Variants in ERC1 observed in about 807,000 individuals in gnomAD.
The protein encoded by ERC1 is ELKS/RAB6-interacting/CAST family member 1, also known as RAB6 interacting protein 2.
Under a neutral mutation model 132.0 loss-of-function variants are expected in ERC1, and 56 were observed. That is an observed-to-expected ratio of 0.42 (90% CI 0.34 to 0.53). The LOEUF is 0.53. Among genes scored for constraint, ERC1 ranks in the 20% least tolerant of loss-of-function variants. The pLI is 0.03. For synonymous variants in ERC1, 478 were observed against 476.1 expected (o/e 1.00, Z -0.05); for missense variants, 1,202 against 1,349.9 (o/e 0.89, Z 1.72).
chr12:1,123,716 C>T (rs1168819037), intron 7 of ERC1, among the ~76,000 whole-genome samples: 1 of 152,182 alleles, frequency 6.6e-6, no homozygotes. Flanking sequence ...TAAAGCGGGC[C>T]GGGCGCGGCA....
At chr12:1,239,659 A>G (rs1324351464) in intron 13 of ERC1, among the ~76,000 whole-genome samples, 3 of 152,194 alleles carry the variant, frequency 2.0e-5, no homozygotes, top group Non-Finnish European at 4.4e-5. Context: ...TCAGGGTTGC[A>G]GTGAGCTGTG....
In ERC1 at chr12:1,189,990, A is replaced by AT; in HGVS notation, c.2289_2290insT (p.Ile764TyrfsTer8). On this transcript the variant is annotated frameshift_variant, in exon 12 of 19. Transcript: ENST00000360905. LOFTEE classifies it high-confidence loss of function. ...AGGCAGAAGTTGATCGACTCTTAGA[A>AT]ATCTTGAAGGAGGTGGAAAATGAGA... 6.2e-7 allele frequency: 1 copy of AT among 1,614,138 alleles called. No homozygotes were observed. Among genetic ancestry groups the AT allele is most frequent in the Non-Finnish European group, 8.5e-7 (1 of 1,179,994 alleles).
chr12:1,148,013 T>C (rs985527085), intron 8 of ERC1, among the ~76,000 whole-genome samples: 2 of 152,206 alleles, frequency 1.3e-5, no homozygotes, highest in African/African-American at 4.8e-5. Context: ...AAAGATTGCG[T>C]GGGTCTTCAG....
intron 12 of ERC1, among the ~76,000 whole-genome samples, chr12:1,223,229 C>T (rs1173373850): frequency 6.6e-6 from 1 of 152,132 alleles, no homozygotes; most frequent in Non-Finnish European, 1.5e-5. Context: ...AAGATAGATT[C>T]AGTTAAAGTG....
chr12:1,164,948 T>C (rs960448677), intron 8 of ERC1, among the ~76,000 whole-genome samples: 4 of 152,218 alleles, frequency 2.6e-5, no homozygotes, highest in African/African-American at 9.6e-5. Context: ...GCTCAGTGTT[T>C]TAATCTGTTA....
At chr12:1,100,195 G>A (rs1285252936) in intron 3 of ERC1, among the ~76,000 whole-genome samples, 1 of 152,052 alleles carries the variant, frequency 6.6e-6, no homozygotes, top group East Asian at 1.9e-4. Flanking sequence ...GAAGGAGAGA[G>A]CCTGTCAAAG....
chr12:1,055,273 G>A (rs973393331), intron 2 of ERC1, among the ~76,000 whole-genome samples: 10 of 151,932 alleles, frequency 6.6e-5, no homozygotes, highest in Admixed American at 5.2e-4. Context: ...TCTGCTTCCC[G>A]GCTTCAAGCA....
chr12:1,356,058 G>T (rs1209212223), intron 15 of ERC1, among the ~76,000 whole-genome samples: 1 of 152,032 alleles, frequency 6.6e-6, no homozygotes, highest in Non-Finnish European at 1.5e-5. Flanking sequence ...CAAAAAATTA[G>T]CCAGGCCTGG....
chr12:1,385,591 T>C (rs2089250091), intron 16 of ERC1, among the ~76,000 whole-genome samples: 1 of 152,180 alleles, frequency 6.6e-6, no homozygotes, highest in African/African-American at 2.4e-5. Flanking sequence ...GGCCCCTATC[T>C]ATCTTATTAT....
chr12:1,480,521 G>T (rs974719284), intron 18 of ERC1, among the ~76,000 whole-genome samples: 5 of 152,144 alleles, frequency 3.3e-5, no homozygotes, highest in African/African-American at 1.2e-4. Flanking sequence ...AATCTCATTG[G>T]ATTACTCCTC....
intron 7 of ERC1, among the ~76,000 whole-genome samples, chr12:1,121,783 A>C (rs11611542): frequency 0.059 from 301 of 5,110 alleles, 75 homozygotes; most frequent in African/African-American, 0.091. Flanking sequence ...ATCTCTATCT[A>C]TCTCTATCTC....
chr12:1,058,365 A>G (rs184337432), intron 2 of ERC1, among the ~76,000 whole-genome samples: 193 of 152,182 alleles, frequency 1.3e-3, no homozygotes, highest in Non-Finnish European at 2.1e-3. Context: ...TGAGTTGACT[A>G]TTGCGTTTGG....
intron 15 of ERC1, among the ~76,000 whole-genome samples, chr12:1,360,112 A>G (rs1278259565): frequency 4.6e-5 from 7 of 152,230 alleles, no homozygotes; most frequent in Admixed American, 2.0e-4. Flanking sequence ...TGTTTGTTTA[A>G]GAAGACATTC....
Position 1,493,373 on chromosome 12 carries a change from G to A in ERC1, c.*3143G>A, listed in dbSNP as rs937780829. 6.9e-5 allele frequency: 12 copies of A among 173,676 alleles called. No homozygotes were observed. The highest frequency in any genetic ancestry group is 1.7e-4 in the African/African-American group (7 of 41,774). 10.8% of individuals were successfully genotyped at this position (173,676 alleles called of 1,614,324 possible). ...GCCTGGCCAAGATGGCAAAAACCCCGACTCTACTAAAAATACAAAATTAGC... is the reference window on the plus strand; with the variant it reads ...GCCTGGCCAAGATGGCAAAAACCCCAACTCTACTAAAAATACAAAATTAGC... On this transcript the variant is annotated 3_prime_UTR_variant, in exon 19 of 19. Transcript: ENST00000360905.
intron 14 of ERC1, among the ~76,000 whole-genome samples, chr12:1,273,134 A>G (rs1421191249): frequency 5.3e-5 from 8 of 152,176 alleles, no homozygotes; most frequent in East Asian, 1.9e-4. Flanking sequence ...CATTGGTTTT[A>G]GAACGTTATC....
At chr12:1,060,250 T>C (rs1192062006) in intron 2 of ERC1, among the ~76,000 whole-genome samples, 1 of 151,080 alleles carries the variant, frequency 6.6e-6, no homozygotes, top group African/African-American at 2.4e-5. Flanking sequence ...TATGTATACA[T>C]GTGCCATGCT....
At chr12:1,460,393 G>C (rs1394634998) in intron 18 of ERC1, among the ~76,000 whole-genome samples, 2 of 152,188 alleles carry the variant, frequency 1.3e-5, no homozygotes, top group African/African-American at 4.8e-5. Flanking sequence ...TGCCGTGGCA[G>C]GTGGAGCTTT....
At chr12:1,481,005 T>G in intron 18 of ERC1, 1 of 666,134 alleles carries the variant, frequency 1.5e-6, no homozygotes, top group East Asian at 2.7e-5. Context: ...CTATAGATGC[T>G]GTTTTCTTCT....
chr12:1,050,344 G>T lies in ERC1; in HGVS notation c.669+21772G>T, dbSNP rs1268654904. Among the ~76,000 whole-genome samples, 5 of 152,134 alleles carry T rather than the reference G, an allele frequency of 3.3e-5. No individual in the cohort carries two copies. In the South Asian group the frequency reaches 6.2e-4, roughly 19 times the overall value. ...GGTAGCAAACAGGATAGAATGAGAGGTTCCCTTTTACACCCAAACTTGTTC... is the reference window on the plus strand; with the variant it reads ...GGTAGCAAACAGGATAGAATGAGAGTTTCCCTTTTACACCCAAACTTGTTC... On this transcript the variant is annotated intron_variant, in intron 2 of 18. Coordinates refer to ENST00000360905, the MANE Select transcript of ERC1 (RefSeq NM_178040.4).
Sources: gnomAD v4.1 joint callset for allele counts (sites outside exome capture counted in the v4.1 genomes callset) on GRCh38, gnomAD v4.1.1 for gene constraint, MANE v1.5 for transcripts, NCBI Gene and HGNC (gene_info 2026-07-23, HGNC 2026-07-21) for gene names.